The following DLG4 variants were observed in gnomAD, a reference collection of about 807,000 sequenced individuals.
The protein encoded by DLG4 is disks large homolog 4.
Under a neutral mutation model 93.8 loss-of-function variants are expected in DLG4, and 7 were observed. That is an observed-to-expected ratio of 0.07 (90% CI 0.04 to 0.14). DLG4 has a LOEUF of 0.14. Among genes scored for constraint, DLG4 ranks in the 10% least tolerant of loss-of-function variants. The pLI, the probability that DLG4 is intolerant of heterozygous loss-of-function variation, is 1.00. For synonymous variants in DLG4, 341 were observed against 387.6 expected, an observed-to-expected ratio of 0.88 and a Z score of 1.41; for missense variants, 545 against 992.9, an observed-to-expected ratio of 0.55 and a Z score of 6.06.
intron 3 of DLG4, 44 bp from the exon 4 acceptor site, chr17:7,204,111 G>A: frequency 6.2e-7 from 1 of 1,601,024 alleles, no homozygotes; most frequent in South Asian, 1.1e-5. Context: ...AGACATTCCT[G>A]TCTGACCACC....
chr17:7,211,815 C>T (rs1015695581), intron 1 of DLG4: 1 of 7,074 alleles, frequency 1.4e-4, no homozygotes, highest in African/African-American at 8.9e-4. Context: ...CAACTGGAGG[C>T]TGCGGCGGGG....
Position 7,217,316 on chromosome 17 carries a change from G to C in DLG4, c.-169C>G. 1 of 997,608 alleles carries C rather than the reference G, an allele frequency of 1.0e-6. No homozygotes were observed. Among genetic ancestry groups the C allele is most frequent in the Non-Finnish European group, 1.3e-6 (1 of 762,858 alleles). 61.8% of individuals were successfully genotyped at this position (997,608 alleles called of 1,614,324 possible). On this transcript the variant is annotated 5_prime_UTR_variant, in exon 1 of 20. Transcript: ENST00000399506. ...AAGGAGGGGGTTGGAGAAGGGAAGG[G>C]GAGGGGAGCGTGGGAGGGAGGGGAA...
At chr17:7,198,774 G>C (rs938050160) in intron 8 of DLG4, among the ~76,000 whole-genome samples, 1 of 151,366 alleles carries the variant, frequency 6.6e-6, no homozygotes, top group Admixed American at 6.6e-5. Flanking sequence ...CTGGAACCCG[G>C]GCGGCAGAGG....
At chr17:7,209,432 A>G (rs1330077754) in intron 1 of DLG4, among the ~76,000 whole-genome samples, 4 of 152,076 alleles carry the variant, frequency 2.6e-5, no homozygotes, top group Non-Finnish European at 5.9e-5. Flanking sequence ...GGAAGGTATC[A>G]TACGCAGGGA....
intron 2 of DLG4, among the ~76,000 whole-genome samples, chr17:7,205,914 C>T (rs921423409): frequency 5.9e-5 from 9 of 151,536 alleles, no homozygotes; most frequent in African/African-American, 1.9e-4. Context: ...TCATCCACTA[C>T]GACATTCATT....
At chr17:7,218,632 C>T, upstream of DLG4, 1 of 1,561,482 alleles carries the variant, frequency 6.4e-7, no homozygotes, top group Non-Finnish European at 8.7e-7. Context: ...AGAGGGCTGA[C>T]CTGGGAGCTA....
chr17:7,205,937 CTA>C (rs2142897550), intron 2 of DLG4, among the ~76,000 whole-genome samples: 1 of 151,802 alleles, frequency 6.6e-6, no homozygotes, highest in African/African-American at 2.4e-5. Flanking sequence ...CTTCCCATCC[CTA>C]TCTCTGCCCG....
Position 7,188,374 on chromosome 17 carries a change from CA to C in DLG4, c.*2333del, listed in dbSNP as rs71157264. On this transcript the variant is annotated 3_prime_UTR_variant, in exon 20 of 20. Transcript: ENST00000399506. ...TCTCAACTTTAGTCAGGAGTGGCTA[CA>C]AAAAATGCCCTTTTGCACTGTTTGG... Among the ~76,000 whole-genome samples the C allele has an allele frequency of 6.6e-6, 1 of 152,108 alleles. No individual in the cohort carries two copies. Among genetic ancestry groups the C allele is most frequent in the African/African-American group, 2.4e-5 (1 of 41,426 alleles).
intron 1 of DLG4, among the ~76,000 whole-genome samples, chr17:7,214,441 C>G (rs2070824024): frequency 6.6e-6 from 1 of 152,154 alleles, no homozygotes; most frequent in African/African-American, 2.4e-5. Flanking sequence ...CCGTCCACTT[C>G]CCGCCCGTTC....
intron 8 of DLG4, among the ~76,000 whole-genome samples, chr17:7,197,768 A>G (rs1385481414): frequency 1.3e-5 from 2 of 152,156 alleles, no homozygotes; most frequent in Non-Finnish European, 2.9e-5. Context: ...TACAGGCATG[A>G]GCCACCTTGA....
At position 7,193,374 on chromosome 17, in the gene DLG4, T is replaced by C. The variant is rs2069600363; in HGVS notation, c.1693+109A>G. 1 of 1,158,246 alleles carries C rather than the reference T, an allele frequency of 8.6e-7. No individual in the cohort carries two copies. Among genetic ancestry groups the C allele is most frequent in the Non-Finnish European group, 1.2e-6 (1 of 841,048 alleles). The allele number at this position is 1,158,246 out of a possible 1,614,324, so 71.7% of individuals were successfully genotyped here. Reference sequence around the variant, plus strand: ...CCCCTTCTCGGAGAAACCCTGTATCTCCCTACACACCGATCCCCCAGGAGG... The same window carrying C: ...CCCCTTCTCGGAGAAACCCTGTATCCCCCTACACACCGATCCCCCAGGAGG... On this transcript the variant is annotated intron_variant, in intron 16 of 19. Transcript: ENST00000399506. This position sits in a 1 kb window ranked among gnomAD's most constrained non-coding sequence, Gnocchi z 6.7.
upstream of DLG4, chr17:7,219,389 C>A: frequency 9.9e-7 from 1 of 1,014,960 alleles, no homozygotes; most frequent in Non-Finnish European, 1.2e-6. Flanking sequence ...GGCAGTGAAT[C>A]TGGGGGGGTC....
rs1193975137 is a variant in DLG4, at chr17:7,187,202, AT to A, written c.*3505del. Among the ~76,000 whole-genome samples the A allele has an allele frequency of 6.7e-6, 1 of 150,264 alleles. No individual in the cohort carries two copies. The highest frequency in any genetic ancestry group is 6.8e-5 in the Admixed American group (1 of 14,704). ...AAAAACAGTATGTATTTCTATATTTATTTGAATTGTTGTCAGGTACGTGTAC... is the reference window on the plus strand; with the variant it reads ...AAAAACAGTATGTATTTCTATATTTATTGAATTGTTGTCAGGTACGTGTAC... On this transcript the variant is annotated 3_prime_UTR_variant, in exon 20 of 20. Coordinates refer to ENST00000399506, the MANE Select transcript of DLG4 (RefSeq NM_001321075.3).
chr17:7,199,209 AT>A (rs1235454041), intron 8 of DLG4, among the ~76,000 whole-genome samples: 1 of 150,786 alleles, frequency 6.6e-6, no homozygotes, highest in African/African-American at 2.4e-5. Flanking sequence ...TTAATTATTT[AT>A]TTTTTTGGGA....
At chr17:7,204,925 T>A (rs1370845643) in intron 2 of DLG4, 13 of 984,280 alleles carry the variant, frequency 1.3e-5, no homozygotes, top group Middle Eastern at 5.2e-4. Flanking sequence ...CTAGGACCAG[T>A]CAAGACCCGG....
upstream of DLG4, chr17:7,217,630 A>G: frequency 3.5e-6 from 4 of 1,147,990 alleles, no homozygotes; most frequent in Non-Finnish European, 4.6e-6. Flanking sequence ...AGAGGAGGAG[A>G]GAGGAAGCAG....
chr17:7,218,225 G>A (rs764063261), upstream of DLG4: 11 of 1,603,818 alleles, frequency 6.9e-6, no homozygotes, highest in East Asian at 4.5e-5. Context: ...TTAGGCGCTC[G>A]CCCCCACCTC....
chr17:7,191,979 G>A lies in DLG4; in HGVS notation c.1890C>T (p.Val630=). The A allele has an allele frequency of 6.8e-7, 1 of 1,463,606 alleles. No homozygotes were observed. The highest frequency in any genetic ancestry group is 2.5e-5 in the Admixed American group (1 of 40,464). 90.7% of individuals were successfully genotyped at this position (1,463,606 alleles called of 1,614,324 possible). The change falls in exon 18 of 20, where the codon GTC becomes GTT. Residue 630 remains valine (V), a synonymous_variant. Coordinates refer to ENST00000399506, the MANE Select transcript of DLG4 (RefSeq NM_001321075.3). This position sits in a 1 kb window ranked among gnomAD's most constrained non-coding sequence, Gnocchi z 6.6. ...AEQGKHCILD[V]SANAVRRLQA... ...GCAGCCGCCGCACGGCATTGGCCGA[G>A]ACATCGAGGATGCAGTGCTTCCCCT...
In DLG4 at chr17:7,187,783, T is replaced by C. The variant is rs1212803972; in HGVS notation, c.*2925A>G. ...TAAGAGAAGGATTATTTGAAAAACA[T>C]CAGGGCCAGGTGCAGTGGCTCACGC... On this transcript the variant is annotated 3_prime_UTR_variant, in exon 20 of 20. Transcript: ENST00000399506. 6.6e-6 allele frequency among the ~76,000 whole-genome samples: 1 copy of C among 151,836 alleles called. No individual in the cohort carries two copies. Among genetic ancestry groups the C allele is most frequent in the Non-Finnish European group, 1.5e-5 (1 of 67,946 alleles).
Sources: gnomAD v4.1 joint callset for allele counts (sites outside exome capture counted in the v4.1 genomes callset) on GRCh38, gnomAD v4.1.1 for gene constraint, Gnocchi (gnomAD v3.1) non-coding constraint, MANE v1.5 for transcripts, NCBI Gene and HGNC (gene_info 2026-07-23, HGNC 2026-07-21) for gene names.